ZSCAN1: variants seen among roughly 807,000 people sequenced by gnomAD.
ZSCAN1 encodes the protein zinc finger and SCAN domain-containing protein 1.
ZSCAN1 carries 23 observed loss-of-function variants against 23.8 expected under a neutral mutation model. The observed-to-expected ratio is 0.97, with a 90% CI of 0.70 to 1.37. The LOEUF (loss-of-function observed/expected upper bound fraction) is 1.37, where lower values mean the gene tolerates loss of function less well. Among genes scored for constraint, ZSCAN1 ranks in the 40% most tolerant of loss-of-function variants. The pLI, the probability that ZSCAN1 is intolerant of heterozygous loss-of-function variation, is 0.00. For synonymous variants in ZSCAN1, 236 were observed against 232.3 expected, an observed-to-expected ratio of 1.02 and a Z score of -0.15; for missense variants, 575 against 554.0, an observed-to-expected ratio of 1.04 and a Z score of -0.38.
At chr19:58,044,034 G>C (rs1360841376) in intron 4 of ZSCAN1, among the ~76,000 whole-genome samples, 1 of 151,930 alleles carries the variant, frequency 6.6e-6, no homozygotes, top group Non-Finnish European at 1.5e-5. Flanking sequence ...ACTTTGGGAG[G>C]CCGCGGCGGG....
intron 4 of ZSCAN1, among the ~76,000 whole-genome samples, chr19:58,042,299 C>A (rs2073795100): frequency 6.6e-6 from 1 of 151,570 alleles, no homozygotes; most frequent in Admixed American, 6.6e-5. Flanking sequence ...GCTCTGTAGC[C>A]CAGGCTGGAG....
chr19:58,035,167 G>A (rs890164867), intron 1 of ZSCAN1, among the ~76,000 whole-genome samples: 15 of 151,992 alleles, frequency 9.9e-5, no homozygotes, highest in Non-Finnish European at 1.5e-4. Flanking sequence ...GGACCCCAGG[G>A]CCACCACAGC....
chr19:58,056,009 C>A (rs767679251), downstream of ZSCAN1, among the ~76,000 whole-genome samples: 1 of 152,230 alleles, frequency 6.6e-6, no homozygotes, highest in Admixed American at 6.5e-5. Context: ...CTTCCAAGGC[C>A]CCACAAGGAT....
chr19:58,043,316 A>G (rs2123428389), intron 4 of ZSCAN1, among the ~76,000 whole-genome samples: 1 of 152,370 alleles, frequency 6.6e-6, no homozygotes, highest in East Asian at 1.9e-4. Context: ...CGCACAGCCC[A>G]TGGCTCCTAG....
chr19:58,039,441 T>C (rs964907692), intron 3 of ZSCAN1, among the ~76,000 whole-genome samples: 9 of 152,144 alleles, frequency 5.9e-5, no homozygotes, highest in African/African-American at 2.2e-4. Context: ...TATGAAACAG[T>C]AGAGCAAGTA....
intron 4 of ZSCAN1, chr19:58,046,526 A>G: frequency 3.3e-6 from 3 of 917,426 alleles, no homozygotes; most frequent in East Asian, 2.4e-5. Flanking sequence ...GAGCTCATCA[A>G]CGCCATGAAG....
chr19:58,051,847 C>T (rs1318249557), intron 4 of ZSCAN1, among the ~76,000 whole-genome samples: 1 of 152,238 alleles, frequency 6.6e-6, no homozygotes, highest in Non-Finnish European at 1.5e-5. Flanking sequence ...ACACAACAAG[C>T]AGGGCTGGAG....
At position 58,054,260 on chromosome 19, in the gene ZSCAN1, C is replaced by G. The variant is rs1218101344; in HGVS notation, c.*209C>G. ...GCTTCCCAGGGTCTCAGCTGAGAAG[C>G]AGCAGTTCCACAGCACAGCCTGGTC... is the stretch of plus-strand genomic sequence containing the variant. On this transcript the variant is annotated 3_prime_UTR_variant, in exon 6 of 6. Transcript: ENST00000282326. This position sits in a 1 kb window ranked among gnomAD's most constrained non-coding sequence, Gnocchi z 4.2. The G allele has an allele frequency of 1.7e-6, 1 of 600,888 alleles. No homozygotes were observed. Among genetic ancestry groups the G allele is most frequent in the Non-Finnish European group, 2.8e-6 (1 of 361,624 alleles). 37.2% of individuals were successfully genotyped at this position (600,888 alleles called of 1,614,324 possible).
chr19:58,055,651 C>T (rs550684399), downstream of ZSCAN1, among the ~76,000 whole-genome samples: 1 of 152,334 alleles, frequency 6.6e-6, no homozygotes, highest in Admixed American at 6.5e-5. Context: ...TCTCAGACAA[C>T]GGGATGTGTA....
chr19:58,038,897 C>T (rs567291491), intron 3 of ZSCAN1, among the ~76,000 whole-genome samples: 3 of 152,326 alleles, frequency 2.0e-5, no homozygotes, highest in East Asian at 3.9e-4. Context: ...ACTGTGGCCT[C>T]GGGAGGGCTT....
chr19:58,045,697 G>A lies in ZSCAN1; in HGVS notation c.465+5153G>A. 2.1e-6 allele frequency: 2 copies of A among 947,668 alleles called. No homozygotes were observed. Among genetic ancestry groups the A allele is most frequent in the South Asian group, 1.3e-5 (1 of 76,530 alleles). The allele number at this position is 947,668 out of a possible 1,614,324, so 58.7% of individuals were successfully genotyped here. A position where few individuals can be genotyped will look rare whatever the true frequency, so the allele number is the denominator to read the frequency against. ...CCTGAACGTCAAGGAGCTGCAGGCG[G>A]CATGTCGGGCACGAGGCATGCGGGC... On this transcript the variant is annotated intron_variant, in intron 4 of 5. Transcript: ENST00000282326. The surrounding 1 kb of genome is among the most constrained non-coding windows in gnomAD (Gnocchi z 4.3).
rs776633314 is a variant in ZSCAN1, at chr19:58,053,509, C to A, written c.685C>A (p.Arg229=). 3.1e-6 allele frequency: 5 copies of A among 1,614,110 alleles called. No individual in the cohort carries two copies. The highest frequency in any genetic ancestry group is 3.3e-5 in the Admixed American group (2 of 60,030). The change falls in exon 6 of 6, where the codon CGG becomes AGG. Residue 229 remains arginine, a synonymous_variant. Transcript: ENST00000282326. The surrounding 1 kb of genome is among the most constrained non-coding windows in gnomAD (Gnocchi z 5.8). ...DLLAGPSSDL[R]AEGTVISSPK... ...TCTCGCAGGGCCCTCCTCAGACCTG[C>A]GGGCAGAAGGGACTGTGATCTCGAG...
chr19:58,046,068 C>G (rs137942285), intron 4 of ZSCAN1: 1 of 680,908 alleles, frequency 1.5e-6, no homozygotes, highest in African/African-American at 1.8e-5. Context: ...GTGTGGAAGG[C>G]GCTCCCCAAA....
chr19:58,054,504 C>T lies in ZSCAN1; in HGVS notation c.*453C>T, dbSNP rs764212082. The T allele has an allele frequency of 1.9e-4, 31 of 160,746 alleles. No individual in the cohort carries two copies. The highest frequency in any genetic ancestry group is 4.2e-4 in the Non-Finnish European group (31 of 74,380). 10.0% of individuals were successfully genotyped at this position (160,746 alleles called of 1,614,324 possible). On this transcript the variant is annotated 3_prime_UTR_variant, in exon 6 of 6. Coordinates refer to ENST00000282326, the MANE Select transcript of ZSCAN1 (RefSeq NM_182572.4). The surrounding 1 kb of genome is among the most constrained non-coding windows in gnomAD (Gnocchi z 4.2). ...GAAGGGTACAGCTGACCCCGGCTGC[C>T]CTCCTGCCAGCTTAGCCCCCTTGGA...
chr19:58,050,866 T>C lies in ZSCAN1; in HGVS notation c.466-1624T>C, dbSNP rs561727525. On this transcript the variant is annotated intron_variant, in intron 4 of 5. Transcript: ENST00000282326. ...TTGGTTGCTTGGTTTGCATCAGGAC[T>C]CTCCCAGGGTGTGACATGCATCTCC... Among the ~76,000 whole-genome samples the C allele has an allele frequency of 2.0e-4, 30 of 152,236 alleles. No individual in the cohort carries two copies. The South Asian group carries it at 6.2e-3, about 32-fold the overall frequency.
chr19:58,034,662 C>T (rs1470230032), intron 1 of ZSCAN1, among the ~76,000 whole-genome samples: 5 of 144,028 alleles, frequency 3.5e-5, no homozygotes, highest in African/African-American at 7.8e-5. Context: ...GCCCCCGACC[C>T]GTCTCTCTCC....
At chr19:58,041,363 A>T (rs527935664) in intron 4 of ZSCAN1, among the ~76,000 whole-genome samples, 1 of 152,344 alleles carries the variant, frequency 6.6e-6, no homozygotes, top group Admixed American at 6.5e-5. Flanking sequence ...TCTAGGTGCC[A>T]CGTGAAGCAC....
chr19:58,034,822 C>G (rs1030024872), intron 1 of ZSCAN1, among the ~76,000 whole-genome samples: 4 of 149,320 alleles, frequency 2.7e-5, no homozygotes, highest in African/African-American at 9.9e-5. Flanking sequence ...CAGTGCGCTG[C>G]CCTTGCACAC....
At chr19:58,042,423 AT>A (rs545338363) in intron 4 of ZSCAN1, among the ~76,000 whole-genome samples, 2 of 151,504 alleles carry the variant, frequency 1.3e-5, no homozygotes, top group Non-Finnish European at 2.9e-5. Context: ...TCCCCGGCTA[AT>A]TTTTTTTGTA....
Sources: gnomAD v4.1 joint callset for allele counts (sites outside exome capture counted in the v4.1 genomes callset) on GRCh38, gnomAD v4.1.1 for gene constraint, Gnocchi (gnomAD v3.1) non-coding constraint, MANE v1.5 for transcripts, NCBI Gene and HGNC (gene_info 2026-07-23, HGNC 2026-07-21) for gene names.